The following ZNF48 variants were observed in gnomAD, a reference collection of about 807,000 sequenced individuals.
ZNF48 encodes the protein zinc finger protein 553.
ZNF48 carries 20 observed loss-of-function variants against 40.0 expected under a neutral mutation model. The ratio of observed to expected loss-of-function variants is 0.50; its 90% CI spans 0.35 to 0.73. The LOEUF (loss-of-function observed/expected upper bound fraction) is 0.73, where lower values mean the gene tolerates loss of function less well. ZNF48 is among the 30% of genes least tolerant of loss of function. The probability of loss-of-function intolerance (pLI) is 0.01; values close to 1 mark genes in which losing one functional copy is unlikely to be tolerated. For synonymous variants in ZNF48, 298 were observed against 329.7 expected (o/e 0.90, Z 1.04); for missense variants, 726 against 851.9 (o/e 0.85, Z 1.84).
chr16:30,396,070 C>A (rs1567433227), intron 2 of ZNF48, 197 bp downstream of exon 2: 4 of 487,234 alleles, frequency 8.2e-6, no homozygotes, highest in Non-Finnish European at 1.4e-5. Flanking sequence ...CCCTCCCTCA[C>A]GGCCTTCCTC....
chr16:30,378,655 C>T, intron 1 of ZNF48: 2 of 1,609,598 alleles, frequency 1.2e-6, no homozygotes, highest in Non-Finnish European at 1.7e-6. Context: ...CCGCCAGAGG[C>T]AGCATGGGCA....
intron 1 of ZNF48, among the ~76,000 whole-genome samples, chr16:30,388,831 T>G (rs2049920306): frequency 2.6e-5 from 4 of 151,436 alleles, no homozygotes; most frequent in Admixed American, 2.6e-4. Flanking sequence ...GATGCAGAGG[T>G]TGCAGTGAGC....
chr16:30,386,683 C>T (rs914354626), intron 1 of ZNF48, among the ~76,000 whole-genome samples: 2 of 151,822 alleles, frequency 1.3e-5, no homozygotes, highest in South Asian at 4.2e-4. Flanking sequence ...GGAGTTTCGC[C>T]CTTGTAGTTT....
intron 1 of ZNF48, chr16:30,378,875 A>AGAGGGAGGGAGGGAGG: frequency 2.4e-6 from 1 of 414,678 alleles, no homozygotes; most frequent in Non-Finnish European, 3.9e-6. Flanking sequence ...AGAGACGGAG[A>AGAGGGAGGGAGGGAGG]GAGGGAGGGA....
chr16:30,390,872 C>A (rs1272165398), upstream of ZNF48, among the ~76,000 whole-genome samples: 1 of 151,944 alleles, frequency 6.6e-6, no homozygotes, highest in Non-Finnish European at 1.5e-5. Context: ...GATCTGCCCA[C>A]CTCAGCCTCC....
rs943177754 is a variant in ZNF48, at chr16:30,382,001, A to G, written c.-16+3591A>G. The stretch of plus-strand genomic sequence containing the variant: ...CAGGGGAGGAAAGTCTCAGAAAAAA[A>G]GCAGTCAACTACCTGAGTCCCCAGA... On this transcript the variant is annotated intron_variant, in intron 1 of 2. Coordinates refer to the ZNF48 transcript ENST00000528032. The surrounding 1 kb of genome is among the most constrained non-coding windows in gnomAD (Gnocchi z 4.8). 5 of 1,600,628 alleles carry G rather than the reference A, an allele frequency of 3.1e-6. No individual in the cohort carries two copies. The African/African-American group carries it at 6.7e-5, about 21-fold the overall frequency.
chr16:30,384,432 C>T (rs887074303), intron 1 of ZNF48, among the ~76,000 whole-genome samples: 2 of 143,984 alleles, frequency 1.4e-5, no homozygotes, highest in Non-Finnish European at 3.0e-5. Context: ...GAGGCTAAAG[C>T]AGAATTGCTT....
rs1158552266 is a variant in ZNF48, at chr16:30,400,030, C to G, written c.*923C>G. On this transcript the variant is annotated 3_prime_UTR_variant, in exon 3 of 3. Transcript: ENST00000613509. The stretch of plus-strand genomic sequence containing the variant: ...TGAAAAAGGTGGAGAGGGGTCTCTG[C>G]GCGCAAAACTCAGACTGTAAATTTT... 2 of 152,240 alleles carry G rather than the reference C, an allele frequency of 1.3e-5. No homozygotes were observed. Among genetic ancestry groups the G allele is most frequent in the African/African-American group, 4.8e-5 (2 of 41,458 alleles). The allele number at this position is 152,240 out of a possible 1,614,324, so 9.4% of individuals were successfully genotyped here. A position where few individuals can be genotyped will look rare whatever the true frequency, so the allele number is the denominator to read the frequency against.
Position 30,398,806 on chromosome 16 carries a change from A to G in ZNF48, c.1556A>G (p.Asn519Ser). 2 of 1,613,134 alleles carry G rather than the reference A, an allele frequency of 1.2e-6. No individual in the cohort carries two copies. The highest frequency in any genetic ancestry group is 1.7e-6 in the Non-Finnish European group (2 of 1,179,916). The change falls in exon 3 of 3, where the codon AAC (asparagine) becomes AGC (serine). Residue 519 changes from asparagine (N) to serine (S), a missense_variant. By Grantham distance (46) the Asn-to-Ser change is conservative (BLOSUM62 1). This residue lies in a region of ZNF48 where 166 missense variants were observed against 163.6 expected (regional missense o/e 1.01). Coordinates refer to ENST00000613509, the MANE Select transcript of ZNF48 (RefSeq NM_001214909.2). This position sits in a 1 kb window ranked among gnomAD's most constrained non-coding sequence, Gnocchi z 6.6. ...PPPSTLLRPHNPPGPVPMAPR... is the reference protein window; with the variant it reads ...PPPSTLLRPHSPPGPVPMAPR... ...CCATCCACTCTGCTGCGGCCACATA[A>G]CCCACCTGGCCCAGTACCCATGGCC...
intron 1 of ZNF48, chr16:30,380,788 A>G (rs1480056873): frequency 3.2e-6 from 1 of 307,982 alleles, no homozygotes; most frequent in Non-Finnish European, 6.2e-6. Context: ...AAGAGAGAGA[A>G]AGAGAGGCCG....
chr16:30,390,787 AT>A (rs1009390473), upstream of ZNF48, among the ~76,000 whole-genome samples: 12 of 148,314 alleles, frequency 8.1e-5, no homozygotes, highest in South Asian at 2.1e-4. Flanking sequence ...CGCCTGGCTA[AT>A]TTTTTTTTTA....
Position 30,381,632 on chromosome 16 carries a change from G to C in ZNF48, c.-16+3222G>C. The C allele has an allele frequency of 6.7e-7, 1 of 1,489,272 alleles. No individual in the cohort carries two copies. The highest frequency in any genetic ancestry group is 1.3e-5 in the South Asian group (1 of 78,924). 92.3% of individuals were successfully genotyped at this position (1,489,272 alleles called of 1,614,324 possible). On this transcript the variant is annotated intron_variant, in intron 1 of 2. Transcript: ENST00000528032. This position sits in a 1 kb window ranked among gnomAD's most constrained non-coding sequence, Gnocchi z 4.3. ...CTAGGTGAGTCATCAAGAAGCACAGGGACCCAGTGGCCCTCTGAAACAGAC... is the reference window on the plus strand; with the variant it reads ...CTAGGTGAGTCATCAAGAAGCACAGCGACCCAGTGGCCCTCTGAAACAGAC...
Position 30,381,591 on chromosome 16 carries a change from G to A in ZNF48, c.-16+3181G>A. On this transcript the variant is annotated intron_variant, in intron 1 of 2. Transcript: ENST00000528032. This position sits in a 1 kb window ranked among gnomAD's most constrained non-coding sequence, Gnocchi z 4.3. ...TTTGGCTCCCTCCAAAGACATTAAG[G>A]GGAACTGGTGGGGGCCTAGGTGAGT... 1 of 1,467,170 alleles carries A rather than the reference G, an allele frequency of 6.8e-7. No homozygotes were observed. The highest frequency in any genetic ancestry group is 1.2e-5 in the South Asian group (1 of 80,278). The allele number at this position is 1,467,170 out of a possible 1,614,324, so 90.9% of individuals were successfully genotyped here. A position where few individuals can be genotyped will look rare whatever the true frequency, so the allele number is the denominator to read the frequency against.
In ZNF48 at chr16:30,398,383, G is replaced by A. The variant is rs1218866162; in HGVS notation, c.1133G>A (p.Arg378His). The A allele has an allele frequency of 8.7e-6, 14 of 1,612,534 alleles. No individual in the cohort carries two copies. The highest frequency in any genetic ancestry group is 1.7e-4 in the Middle Eastern group (1 of 6,058). ...FSLSSTLLRH[R>H]LTHMEPQDFS... Reference sequence around the variant, plus strand: ...CTCAGCTCCACCCTTCTTCGCCACCGCCTCACTCACATGGAGCCCCAGGAC... The same window carrying A: ...CTCAGCTCCACCCTTCTTCGCCACCACCTCACTCACATGGAGCCCCAGGAC... The change falls in exon 3 of 3, where the codon CGC (arginine) becomes CAC (histidine). Residue 378 changes from arginine to histidine, a missense_variant. By Grantham distance (29) the Arg-to-His change is conservative. Around this residue, in one of 5 missense-constraint regions of ZNF48, gnomAD observed 378 missense variants for 449.1 expected, o/e 0.84. Transcript: ENST00000613509. The surrounding 1 kb of genome is among the most constrained non-coding windows in gnomAD (Gnocchi z 6.6).
upstream of ZNF48, among the ~76,000 whole-genome samples, chr16:30,390,525 C>G (rs1258125033): frequency 6.6e-6 from 1 of 150,844 alleles, no homozygotes; most frequent in Non-Finnish European, 1.5e-5. Context: ...TCTCCTGCCT[C>G]AGCCTCCCGA....
intron 1 of ZNF48, among the ~76,000 whole-genome samples, chr16:30,389,517 G>T (rs942580131): frequency 6.6e-6 from 1 of 151,038 alleles, no homozygotes; most frequent in African/African-American, 2.4e-5. Flanking sequence ...AGGTTGTGGT[G>T]AGCCGAGATC....
intron 1 of ZNF48, among the ~76,000 whole-genome samples, chr16:30,383,276 C>T (rs1157000239): frequency 6.6e-6 from 1 of 152,176 alleles, no homozygotes; most frequent in Non-Finnish European, 1.5e-5. Flanking sequence ...GCAAGCTCCA[C>T]CTCCCGGGTT....
rs1256094548 is a variant in ZNF48, at chr16:30,381,250, C to G, written c.-16+2840C>G. The stretch of plus-strand genomic sequence containing the variant: ...CCACATCTAGGGGCCGGAGCCTGCA[C>G]CCAGGGATTGGTCATTGCCCAGCCT... On this transcript the variant is annotated intron_variant, in intron 1 of 2. Coordinates refer to the ZNF48 transcript ENST00000528032. This position sits in a 1 kb window ranked among gnomAD's most constrained non-coding sequence, Gnocchi z 4.3. 6.2e-7 allele frequency: 1 copy of G among 1,613,780 alleles called. No homozygotes were observed. The highest frequency in any genetic ancestry group is 1.1e-5 in the South Asian group (1 of 91,082).
chr16:30,398,880 G>A lies in ZNF48; in HGVS notation c.1630G>A (p.Val544Met), dbSNP rs532368365. Residue 544 changes from valine to methionine, a missense_variant, in exon 3 of 3, where the codon GTG (valine) becomes ATG (methionine). By Grantham distance (21) the Val-to-Met change is conservative (BLOSUM62 1). This residue lies in a region of ZNF48 where 166 missense variants were observed against 163.6 expected (regional missense o/e 1.01). Coordinates refer to ENST00000613509, the MANE Select transcript of ZNF48 (RefSeq NM_001214909.2). The surrounding 1 kb of genome is among the most constrained non-coding windows in gnomAD (Gnocchi z 6.6). ...GCCTTCTGGACCCAGCCAGCCCCAC[G>A]TGTGTGGCTTCTGTGGGAAGGAGTT... ...AQPSGPSQPH[V>M]CGFCGKEFPR... 6.3e-5 allele frequency: 101 copies of A among 1,613,918 alleles called. 2 individuals carry two copies. In the South Asian group the frequency reaches 1.1e-3, roughly 17 times the overall value.
Sources: gnomAD v4.1 joint callset for allele counts (sites outside exome capture counted in the v4.1 genomes callset) on GRCh38, gnomAD v4.1.1 for gene constraint, gnomAD v4.1.1 regional missense constraint, Gnocchi (gnomAD v3.1) non-coding constraint, MANE v1.5 for transcripts, NCBI Gene and HGNC (gene_info 2026-07-23, HGNC 2026-07-21) for gene names.